The following CNTNAP2 variants were observed in gnomAD, a reference collection of about 807,000 sequenced individuals.
The protein encoded by CNTNAP2 is contactin associated protein 2, also known as contactin-associated protein-like 2.
A neutral mutation model predicts 155.2 loss-of-function variants in CNTNAP2; 98 were observed. That is an observed-to-expected ratio of 0.63 (90% CI 0.54 to 0.75). The LOEUF is 0.75. Among genes scored for constraint, CNTNAP2 ranks in the 30% least tolerant of loss-of-function variants. The probability of loss-of-function intolerance (pLI) is 0.00; values close to 1 mark genes in which losing one functional copy is unlikely to be tolerated. For missense variants in CNTNAP2, 1,727 were observed against 1,688.1 expected (o/e 1.02, Z -0.40); for synonymous variants, 651 against 631.2 (o/e 1.03, Z -0.47).
chr7:147,079,511 T>C (rs1302631207), intron 4 of CNTNAP2, among the ~76,000 whole-genome samples: 3 of 151,876 alleles, frequency 2.0e-5, no homozygotes, highest in Non-Finnish European at 4.4e-5. Context: ...AAGTTAATGG[T>C]TGCGGCACAC....
At chr7:146,142,617 A>G (rs752290087) in intron 1 of CNTNAP2, among the ~76,000 whole-genome samples, 1 of 152,204 alleles carries the variant, frequency 6.6e-6, no homozygotes, top group Non-Finnish European at 1.5e-5. Flanking sequence ...GATTCACTCT[A>G]CCACTTATGA....
chr7:146,599,344 T>C (rs561164795), intron 1 of CNTNAP2, among the ~76,000 whole-genome samples: 12 of 152,072 alleles, frequency 7.9e-5, no homozygotes, highest in Non-Finnish European at 1.6e-4. Flanking sequence ...AATTATTTTC[T>C]GTCTCACTCA....
intron 9 of CNTNAP2, among the ~76,000 whole-genome samples, chr7:147,340,637 T>C (rs949464114): frequency 1.3e-5 from 2 of 152,182 alleles, no homozygotes; most frequent in Non-Finnish European, 2.9e-5. Context: ...GTTTATCTTA[T>C]ATGTCCTAAA....
intron 11 of CNTNAP2, among the ~76,000 whole-genome samples, chr7:147,499,593 T>C (rs1456219759): frequency 2.0e-5 from 3 of 152,170 alleles, no homozygotes; most frequent in African/African-American, 7.2e-5. Context: ...ATGAGTCCTC[T>C]GAAATGCTAC....
chr7:146,181,893 T>C (rs1203172076), intron 1 of CNTNAP2, among the ~76,000 whole-genome samples: 1 of 152,158 alleles, frequency 6.6e-6, no homozygotes, highest in Non-Finnish European at 1.5e-5. Flanking sequence ...TGATATTGTT[T>C]CTTTTTCAGG....
At chr7:146,447,382 AG>A (rs1231216077) in intron 1 of CNTNAP2, among the ~76,000 whole-genome samples, 1 of 152,058 alleles carries the variant, frequency 6.6e-6, no homozygotes, top group African/African-American at 2.4e-5. Context: ...GCAATGCATT[AG>A]TATTTGCCAA....
chr7:146,762,165 G>C (rs1382573216), intron 1 of CNTNAP2, among the ~76,000 whole-genome samples: 1 of 152,108 alleles, frequency 6.6e-6, no homozygotes, highest in Non-Finnish European at 1.5e-5. Flanking sequence ...CCCTTATATA[G>C]AAATTTTAAT....
chr7:148,340,939 T>C (rs906724172), intron 21 of CNTNAP2, among the ~76,000 whole-genome samples: 3 of 152,258 alleles, frequency 2.0e-5, no homozygotes, highest in African/African-American at 7.2e-5. Context: ...GGAGCTCTTC[T>C]AGTGCAAGTC....
intron 13 of CNTNAP2, among the ~76,000 whole-genome samples, chr7:147,684,435 T>A (rs1017811799): frequency 6.6e-6 from 1 of 151,924 alleles, no homozygotes; most frequent in African/African-American, 2.4e-5. Context: ...TAAACACCTC[T>A]TTATATCTTG....
intron 3 of CNTNAP2, among the ~76,000 whole-genome samples, chr7:146,989,514 G>C (rs1018543938): frequency 2.7e-5 from 4 of 145,938 alleles, no homozygotes; most frequent in Non-Finnish European, 6.0e-5. Context: ...GTATCCACTG[G>C]AGACTCCTTT....
chr7:147,798,320 C>T (rs758097855), intron 13 of CNTNAP2, among the ~76,000 whole-genome samples: 1 of 152,008 alleles, frequency 6.6e-6, no homozygotes, highest in East Asian at 1.9e-4. Flanking sequence ...ACAGTACCAG[C>T]TTTATTAGTA....
intron 3 of CNTNAP2, among the ~76,000 whole-genome samples, chr7:146,879,843 TA>T (rs1795504220): frequency 6.6e-6 from 1 of 152,064 alleles, no homozygotes; most frequent in Admixed American, 6.6e-5. Flanking sequence ...CTGGGTAATT[TA>T]TAAAGAAAAA....
intron 15 of CNTNAP2, among the ~76,000 whole-genome samples, chr7:148,059,497 A>G (rs1022362339): frequency 2.6e-5 from 4 of 151,852 alleles, no homozygotes; most frequent in Non-Finnish European, 1.5e-5. Context: ...CTGAGGCAGG[A>G]AAATCGCTTG....
chr7:147,903,710 C>G lies in CNTNAP2; in HGVS notation c.2244C>G (p.Asp748Glu), dbSNP rs1799913746. The change falls in exon 14 of 24, where the codon GAC becomes GAG. Residue 748 changes from aspartate to glutamate, a missense_variant. Asp to Glu is a conservative substitution (Grantham distance 45). Transcript: ENST00000361727. The stretch of plus-strand genomic sequence containing the variant: ...AGTACTACTGTAACTGCGACGCGGA[C>G]TACAAGCAATGGTGAGTGCCTGCGG... ...DPKYYCNCDA[D>E]YKQWRKDAGF... 1 of 1,613,746 alleles carries G rather than the reference C, an allele frequency of 6.2e-7. No homozygotes were observed. Among genetic ancestry groups the G allele is most frequent in the Non-Finnish European group, 8.5e-7 (1 of 1,179,852 alleles).
At chr7:146,647,925 A>G (rs1045512655) in intron 1 of CNTNAP2, among the ~76,000 whole-genome samples, 26 of 152,282 alleles carry the variant, frequency 1.7e-4, no homozygotes, top group Non-Finnish European at 5.9e-5. Flanking sequence ...CCATGAATTT[A>G]TGGAGACTTA....
intron 4 of CNTNAP2, among the ~76,000 whole-genome samples, chr7:147,076,501 T>A (rs1005727489): frequency 1.3e-5 from 2 of 152,202 alleles, no homozygotes; most frequent in Admixed American, 6.5e-5. Context: ...CTTGCAAATT[T>A]GTTTAAGTTC....
intron 3 of CNTNAP2, among the ~76,000 whole-genome samples, chr7:146,998,996 A>T (rs1209668875): frequency 2.0e-5 from 3 of 151,716 alleles, no homozygotes; most frequent in African/African-American, 7.3e-5. Context: ...TTTATTATTT[A>T]TATGTAGGAA....
At chr7:147,351,591 TG>T (rs2116879029) in intron 9 of CNTNAP2, among the ~76,000 whole-genome samples, 1 of 151,954 alleles carries the variant, frequency 6.6e-6, no homozygotes, top group African/African-American at 2.4e-5. Context: ...TAGAAAACAG[TG>T]TTAAATATAT....
intron 1 of CNTNAP2, among the ~76,000 whole-genome samples, chr7:146,139,084 C>A (rs2116753203): frequency 6.6e-6 from 1 of 152,216 alleles, no homozygotes; most frequent in African/African-American, 2.4e-5. Context: ...AATCATCTGG[C>A]AGCATGATCC....
Sources: gnomAD v4.1 joint callset for allele counts (sites outside exome capture counted in the v4.1 genomes callset) on GRCh38, gnomAD v4.1.1 for gene constraint, MANE v1.5 for transcripts, NCBI Gene and HGNC (gene_info 2026-07-23, HGNC 2026-07-21) for gene names.